Variants in GPR39 observed in about 807,000 individuals in gnomAD.
The protein encoded by GPR39 is zinc sensing receptor.
GPR39 carries 23 observed loss-of-function variants against 18.4 expected under a neutral mutation model. The ratio of observed to expected loss-of-function variants is 1.25; its 90% confidence interval spans 0.90 to 1.77. GPR39 has a LOEUF of 1.77. Among genes scored for constraint, GPR39 ranks in the 40% most tolerant of loss-of-function variants. The probability of loss-of-function intolerance (pLI) is 0.00; values close to 1 mark genes in which losing one functional copy is unlikely to be tolerated. For synonymous variants in GPR39, 280 were observed against 257.9 expected, an observed-to-expected ratio of 1.09 and a Z score of -0.82; for missense variants, 647 against 602.4, an observed-to-expected ratio of 1.07 and a Z score of -0.78.
intron 1 of GPR39, among the ~76,000 whole-genome samples, chr2:132,468,999 G>A (rs1370165652): frequency 6.6e-6 from 1 of 152,198 alleles, no homozygotes; most frequent in Non-Finnish European, 1.5e-5. Context: ...AATGACTGTT[G>A]CCTCCTTGGC....
At chr2:132,467,927 C>T (rs181192286) in intron 1 of GPR39, among the ~76,000 whole-genome samples, 2 of 152,254 alleles carry the variant, frequency 1.3e-5, no homozygotes, top group East Asian at 3.9e-4. Context: ...AGATCATGTA[C>T]CCAGTAGCCC....
In GPR39 at chr2:132,515,502, T is replaced by C. The variant is rs114541808; in HGVS notation, c.856+97604T>C. ...ACACCTGTCCCACGTGTGATGTTTA[T>C]CAGGTATCAGAATGCAATATCCCCA... On this transcript the variant is annotated intron_variant, in intron 1 of 1. Transcript: ENST00000329321. Among the ~76,000 whole-genome samples, 1,093 of 152,278 alleles carry C rather than the reference T, an allele frequency of 7.2e-3. 15 individuals are homozygous for C. The highest frequency in any genetic ancestry group is 0.026 in the African/African-American group (1,063 of 41,534).
chr2:132,546,036 T>G (rs927926977), intron 1 of GPR39, among the ~76,000 whole-genome samples: 1 of 152,194 alleles, frequency 6.6e-6, no homozygotes, highest in African/African-American at 2.4e-5. Context: ...CATCCATAAC[T>G]GGCATGAAGA....
chr2:132,609,375 G>A (rs576849536), intron 1 of GPR39, among the ~76,000 whole-genome samples: 4 of 152,280 alleles, frequency 2.6e-5, no homozygotes, highest in South Asian at 2.1e-4. Flanking sequence ...TCTGGCTCAC[G>A]TAAAACCTGG....
chr2:132,567,346 T>G (rs2104809946), intron 1 of GPR39, among the ~76,000 whole-genome samples: 1 of 151,874 alleles, frequency 6.6e-6, no homozygotes, highest in East Asian at 1.9e-4. Context: ...CTTTAAAAGG[T>G]GATTGAGTCA....
intron 1 of GPR39, among the ~76,000 whole-genome samples, chr2:132,631,646 T>A (rs1558865100): frequency 6.6e-6 from 1 of 152,180 alleles, no homozygotes; most frequent in Non-Finnish European, 1.5e-5. Flanking sequence ...TGCAGATTAT[T>A]CCAAGAATTT....
intron 1 of GPR39, among the ~76,000 whole-genome samples, chr2:132,635,892 G>A (rs913634207): frequency 9.9e-5 from 15 of 152,252 alleles, no homozygotes; most frequent in African/African-American, 3.1e-4. Context: ...CTGCCATGTC[G>A]GAGAATGCAG....
At chr2:132,641,018 A>G (rs1303605961) in intron 1 of GPR39, among the ~76,000 whole-genome samples, 1 of 152,090 alleles carries the variant, frequency 6.6e-6, no homozygotes, top group African/African-American at 2.4e-5. Flanking sequence ...CTAATGCTCC[A>G]TTTTCCTAGA....
chr2:132,535,607 A>T (rs565375126), intron 1 of GPR39, among the ~76,000 whole-genome samples: 1 of 151,218 alleles, frequency 6.6e-6, no homozygotes, highest in Non-Finnish European at 1.5e-5. Context: ...CCTCCTTTTC[A>T]GTTGTTTGGA....
intron 1 of GPR39, among the ~76,000 whole-genome samples, chr2:132,481,972 A>G (rs570778617): frequency 6.6e-6 from 1 of 152,332 alleles, no homozygotes; most frequent in East Asian, 1.9e-4. Context: ...ACTCACAGCA[A>G]TAAGGCCACA....
chr2:132,425,088 C>T lies in GPR39; in HGVS notation c.856+7190C>T, dbSNP rs56068963. On this transcript the variant is annotated intron_variant, in intron 1 of 1. Transcript: ENST00000329321. Reference sequence around the variant, plus strand: ...GCTCAATGGTCTATTCGTTCTTCAACGACAATCTCCAGCTACGACCAACTC... The same window carrying T: ...GCTCAATGGTCTATTCGTTCTTCAATGACAATCTCCAGCTACGACCAACTC... Among the ~76,000 whole-genome samples the T allele has an allele frequency of 3.0e-3, 460 of 152,316 alleles. 1 individual carries two copies. Among genetic ancestry groups the T allele is most frequent in the Non-Finnish European group, 4.9e-3 (335 of 68,028 alleles).
chr2:132,646,199 C>T lies in GPR39; in HGVS notation c.*593C>T. The T allele has an allele frequency of 1.2e-6, 2 of 1,607,396 alleles. No homozygotes were observed. Among genetic ancestry groups the T allele is most frequent in the Non-Finnish European group, 1.7e-6 (2 of 1,176,246 alleles). On this transcript the variant is annotated 3_prime_UTR_variant, in exon 2 of 2. Coordinates refer to ENST00000329321, the MANE Select transcript of GPR39 (RefSeq NM_001508.3). Reference sequence around the variant, plus strand: ...GCTGATGCAAACTGAGTTCAGTTTCCCTGGGGAGCAGAAGGACTGGTACCC... The same window carrying T: ...GCTGATGCAAACTGAGTTCAGTTTCTCTGGGGAGCAGAAGGACTGGTACCC...
At chr2:132,457,916 C>T (rs544463696) in intron 1 of GPR39, among the ~76,000 whole-genome samples, 8 of 152,238 alleles carry the variant, frequency 5.3e-5, no homozygotes, top group African/African-American at 7.2e-5. Context: ...AGCAAGGCTC[C>T]GTGGGTGTGG....
At chr2:132,606,382 T>C (rs987100915) in intron 1 of GPR39, among the ~76,000 whole-genome samples, 15 of 152,248 alleles carry the variant, frequency 9.9e-5, no homozygotes, top group African/African-American at 3.6e-4. Flanking sequence ...CAAGTATTTA[T>C]AAAAGTGAAA....
rs397985921 is a variant in GPR39, at chr2:132,585,948, G to GTTTTTTTTTT, written c.857-59138_857-59129dup. Reference sequence around the variant, plus strand: ...GATCGGGCTTCTCGAAGCATCCCCGGTTTTTTTTTTTTTTTTTTTTTTTTA... The same window carrying GTTTTTTTTTT: ...GATCGGGCTTCTCGAAGCATCCCCGGTTTTTTTTTTTTTTTTTTTTTTTTTTTTTTTTTTA... On this transcript the variant is annotated intron_variant, in intron 1 of 1. Transcript: ENST00000329321. Among the ~76,000 whole-genome samples, 9 of 62,954 alleles carry GTTTTTTTTTT rather than the reference G, an allele frequency of 1.4e-4. 1 individual carries two copies. The highest frequency in any genetic ancestry group is 2.2e-4 in the African/African-American group (3 of 13,696). 41.3% of individuals were successfully genotyped at this position (62,954 alleles called of 152,430 possible).
chr2:132,604,475 A>C (rs1488375372), intron 1 of GPR39: 1 of 152,208 alleles, frequency 6.6e-6, no homozygotes, highest in Non-Finnish European at 1.5e-5. Context: ...GAGAGAATAC[A>C]ACCTCTACAC....
chr2:132,512,097 G>A (rs1679252377), intron 1 of GPR39, among the ~76,000 whole-genome samples: 1 of 152,172 alleles, frequency 6.6e-6, no homozygotes. Flanking sequence ...GTGTTAGGCT[G>A]TACCTTGGCT....
At chr2:132,505,266 T>C (rs971799141) in intron 1 of GPR39, among the ~76,000 whole-genome samples, 14 of 152,156 alleles carry the variant, frequency 9.2e-5, no homozygotes, top group Non-Finnish European at 1.9e-4. Context: ...TTAAAAAAAT[T>C]ATTAATACAT....
chr2:132,548,979 T>C (rs993716359), intron 1 of GPR39, among the ~76,000 whole-genome samples: 2 of 152,156 alleles, frequency 1.3e-5, no homozygotes, highest in African/African-American at 4.8e-5. Context: ...CACAGATACG[T>C]GTGTGTGTAT....
Sources: gnomAD v4.1 joint callset for allele counts (sites outside exome capture counted in the v4.1 genomes callset) on GRCh38, gnomAD v4.1.1 for gene constraint, MANE v1.5 for transcripts, NCBI Gene and HGNC (gene_info 2026-07-23, HGNC 2026-07-21) for gene names.